MOCS1: variants seen among roughly 807,000 people sequenced by gnomAD.
MOCS1 encodes molybdenum cofactor biosynthesis protein 1.
MOCS1 carries 39 observed loss-of-function variants against 57.6 expected under a neutral mutation model. That is an observed-to-expected ratio of 0.68 (90% CI 0.52 to 0.88). The LOEUF (loss-of-function observed/expected upper bound fraction) is 0.88, where lower values mean the gene tolerates loss of function less well. Ranked by LOEUF, MOCS1 falls within the 40% of genes least tolerant of loss-of-function variation. The pLI, the probability that MOCS1 is intolerant of heterozygous loss-of-function variation, is 0.00. For synonymous variants in MOCS1, 334 were observed against 335.7 expected (o/e 1.00, Z 0.05); for missense variants, 795 against 831.1 (o/e 0.96, Z 0.53).
chr6:39,925,826 C>G lies in MOCS1; in HGVS notation c.270G>C (p.Glu90Asp). 1 of 1,612,500 alleles carries G rather than the reference C, an allele frequency of 6.2e-7. No individual in the cohort carries two copies. The highest frequency in any genetic ancestry group is 1.7e-4 in the Middle Eastern group (1 of 6,058). ...CTTTGGGGGTCAGCGGGACCCCCTC[C>G]TCGGGCATGCAGTACTGACCTGAGG... ...CNLRCQYCMP[E>D]EGVPLTPKAN... The change falls in exon 3 of 11, where the codon GAG becomes GAC. Residue 90 changes from glutamate to aspartate, a missense_variant. By Grantham distance (45) the Glu-to-Asp change is conservative (BLOSUM62 2). Around this residue, in one of 3 missense-constraint regions of MOCS1, gnomAD observed 416 missense variants for 392.4 expected, o/e 1.06. Coordinates refer to ENST00000340692, the MANE Select transcript of MOCS1 (RefSeq NM_001358530.2).
chr6:39,916,159 C>T lies in MOCS1; in HGVS notation c.492G>A (p.Leu164=), dbSNP rs751537874. 6.2e-7 allele frequency: 1 copy of T among 1,614,024 alleles called. No homozygotes were observed. The highest frequency in any genetic ancestry group is 8.5e-7 in the Non-Finnish European group (1 of 1,180,008). Residue 164 remains leucine (L), a synonymous_variant, in exon 4 of 11, where the codon CTG becomes CTA. Coordinates refer to ENST00000340692, the MANE Select transcript of MOCS1 (RefSeq NM_001358530.2). ...TGAGACCAGCCTTCTGAAGCTGGGG[C>T]AGTAGCCGGGCCAGGTTGATGCCAT... is the stretch of plus-strand genomic sequence containing the variant. ...TTNGINLARL[L]PQLQKAGLSA... is the part of the protein sequence containing the mutation.
chr6:39,913,913 GC>G (rs1767504975), intron 4 of MOCS1, 78 bp from the exon 5 acceptor site: 3 of 1,421,288 alleles, frequency 2.1e-6, no homozygotes, highest in Admixed American at 3.4e-5. Flanking sequence ...AAGCACCAGA[GC>G]CCATCTAGTC....
At chr6:39,922,861 T>G (rs1320059539) in intron 3 of MOCS1, among the ~76,000 whole-genome samples, 2 of 152,058 alleles carry the variant, frequency 1.3e-5, no homozygotes, top group Non-Finnish European at 2.9e-5. Flanking sequence ...CGTGAGAGGG[T>G]AGGCACAAGT....
rs187350521 is a variant in MOCS1, at chr6:39,933,256, G to C, written c.123+1039C>G. Among the ~76,000 whole-genome samples, 5 of 152,274 alleles carry C rather than the reference G, an allele frequency of 3.3e-5. No homozygotes were observed. The East Asian group carries it at 9.7e-4, about 29-fold the overall frequency. ...AACTAGGGGGTGGGGGGCTGGAGAA[G>C]AAAAGTCCCTTTTCTTGAATTCTTT... On this transcript the variant is annotated intron_variant, in intron 1 of 10. Transcript: ENST00000340692.
At chr6:39,934,187 T>C in intron 1 of MOCS1, 108 bp downstream of exon 1, 1 of 1,393,740 alleles carries the variant, frequency 7.2e-7, no homozygotes, top group Non-Finnish European at 9.4e-7. Flanking sequence ...AACGGGTCCC[T>C]CCCAGAAGCG....
chr6:39,919,958 C>A lies in MOCS1; in HGVS notation c.419-3726G>T, dbSNP rs74508922. Among the ~76,000 whole-genome samples, 1,401 of 152,192 alleles carry A rather than the reference C, an allele frequency of 9.2e-3. 19 individuals are homozygous for A. Among genetic ancestry groups the A allele is most frequent in the African/African-American group, 0.032 (1,326 of 41,530 alleles). ...ACACTAACCATAAAAGAAAAAAACG[C>A]TGATAAATTCAAGAACTGCTACTGA... On this transcript the variant is annotated intron_variant, in intron 3 of 10. Coordinates refer to ENST00000340692, the MANE Select transcript of MOCS1 (RefSeq NM_001358530.2).
intron 10 of MOCS1, 95 bp from the exon 11 acceptor site, chr6:39,907,212 A>G: frequency 1.5e-6 from 2 of 1,310,060 alleles, no homozygotes; most frequent in Non-Finnish European, 2.1e-6. Flanking sequence ...TCCCACCTCA[A>G]GTTCTCTTTC....
intron 1 of MOCS1, among the ~76,000 whole-genome samples, chr6:39,928,352 G>T (rs1025852700): frequency 6.6e-6 from 1 of 152,118 alleles, no homozygotes; most frequent in Non-Finnish European, 1.5e-5. Context: ...CTTTAGTAGA[G>T]ACGGGGTTTC....
At chr6:39,915,987 C>T in intron 4 of MOCS1, 81 bp downstream of exon 4, 1 of 1,486,682 alleles carries the variant, frequency 6.7e-7, no homozygotes, top group East Asian at 2.5e-5. Flanking sequence ...GTGACCAGGC[C>T]CCTGGCTCAG....
Position 39,925,829 on chromosome 6 carries a change from G to A in MOCS1, c.267C>T (p.Pro89=), listed in dbSNP as rs142042550. The A allele has an allele frequency of 8.1e-5, 130 of 1,612,416 alleles. No homozygotes were observed. The African/African-American group carries it at 1.4e-3, about 17-fold the overall frequency. ...TGGGGGTCAGCGGGACCCCCTCCTCGGGCATGCAGTACTGACCTGAGGGAA... is the reference window on the plus strand; with the variant it reads ...TGGGGGTCAGCGGGACCCCCTCCTCAGGCATGCAGTACTGACCTGAGGGAA... ...KCNLRCQYCM[P]EEGVPLTPKA... The change falls in exon 3 of 11, where the codon CCC becomes CCT. Residue 89 remains proline, a synonymous_variant. Coordinates refer to ENST00000340692, the MANE Select transcript of MOCS1 (RefSeq NM_001358530.2).
chr6:39,908,905 G>T, intron 10 of MOCS1, 150 bp downstream of exon 10: 1 of 743,528 alleles, frequency 1.3e-6, no homozygotes, highest in Non-Finnish European at 2.4e-6. Flanking sequence ...AACCTTGAAG[G>T]TTAAGAAGAG....
chr6:39,913,284 C>G, intron 6 of MOCS1, 33 bp downstream of exon 6: 96 of 1,576,804 alleles, frequency 6.1e-5, no homozygotes, highest in Middle Eastern at 1.7e-4. Flanking sequence ...CCAACCCCTT[C>G]TTCCCTCCCT....
intron 2 of MOCS1, among the ~76,000 whole-genome samples, chr6:39,926,954 C>T (rs1305598181): frequency 6.6e-6 from 1 of 151,174 alleles, no homozygotes; most frequent in Admixed American, 6.6e-5. Context: ...ATGGGCATGG[C>T]TGTCTACTTC....
At chr6:39,912,114 C>T in intron 8 of MOCS1, 150 bp downstream of exon 8, 1 of 690,572 alleles carries the variant, frequency 1.4e-6, no homozygotes, top group Non-Finnish European at 2.7e-6. Context: ...CTGCTGCTCC[C>T]ATCATGCCCC....
At chr6:39,926,908 C>T (rs756259478) in intron 2 of MOCS1, among the ~76,000 whole-genome samples, 19 of 150,578 alleles carry the variant, frequency 1.3e-4, no homozygotes, top group African/African-American at 3.4e-4. Flanking sequence ...TGATTTGTCA[C>T]GGGACTGGGG....
At chr6:39,926,214 C>T (rs998151138) in intron 2 of MOCS1, among the ~76,000 whole-genome samples, 14 of 152,166 alleles carry the variant, frequency 9.2e-5, no homozygotes, top group African/African-American at 3.4e-4. Flanking sequence ...CACCCATCCT[C>T]CTGCATTTCA....
rs1767460581 is a variant in MOCS1 at position 39,913,406 on chromosome 6, C to T, written c.668G>A (p.Gly223Asp). The T allele has an allele frequency of 1.2e-6, 2 of 1,614,220 alleles. No individual in the cohort carries two copies. The highest frequency in any genetic ancestry group is 1.7e-6 in the Non-Finnish European group (2 of 1,180,038). ...GTCCAGGAGTTCATCCTCGTTAAGGCCTCGCATCACCACACAGTTCACCTG... is the reference window on the plus strand; with the variant it reads ...GTCCAGGAGTTCATCCTCGTTAAGGTCTCGCATCACCACACAGTTCACCTG... ...PVKVNCVVMR[G>D]LNEDELLDFA... The change falls in exon 6 of 11, where the codon GGC becomes GAC. Residue 223 changes from glycine to aspartate, a missense_variant. Gly to Asp is a moderately conservative substitution (Grantham distance 94). This residue lies in a region of MOCS1 where 416 missense variants were observed against 392.4 expected (regional missense o/e 1.06). Transcript: ENST00000340692.
intron 9 of MOCS1, among the ~76,000 whole-genome samples, 194 bp from the exon 10 acceptor site, chr6:39,909,296 AGGGGGAGAGGGAGAGGAAAG>A (rs1767166333): frequency 8.0e-5 from 2 of 25,154 alleles, no homozygotes; most frequent in Non-Finnish European, 1.4e-4. Flanking sequence ...GGGGAGGGGG[AGGGGGAGAGGGAGAGGAAAG>A]CAGGGGAAGG....
rs1562076875 is a variant in MOCS1 at position 39,904,843 on chromosome 6, A to G, written c.*1514T>C. 6.6e-6 allele frequency: 3 copies of G among 454,146 alleles called. No homozygotes were observed. The highest frequency in any genetic ancestry group is 4.7e-5 in the South Asian group (3 of 64,462). The allele number at this position is 454,146 out of a possible 1,614,324, so 28.1% of individuals were successfully genotyped here. A position where few individuals can be genotyped will look rare whatever the true frequency, so the allele number is the denominator to read the frequency against. ...TAAGAATATATTGTAATACTAAAAAATATTAAATTCATACCATCCCTACCC... is the reference window on the plus strand; with the variant it reads ...TAAGAATATATTGTAATACTAAAAAGTATTAAATTCATACCATCCCTACCC... On this transcript the variant is annotated 3_prime_UTR_variant, in exon 11 of 11. Transcript: ENST00000340692.
Sources: allele counts gnomAD v4.1 joint callset (sites outside exome capture counted in the v4.1 genomes callset), GRCh38; gene constraint gnomAD v4.1.1; regional missense constraint gnomAD v4.1.1; transcripts MANE v1.5; gene names NCBI Gene and HGNC (gene_info 2026-07-23, HGNC 2026-07-21).